The following SPATA13 variants were observed in gnomAD, a reference collection of about 807,000 sequenced individuals.
The protein encoded by SPATA13 is spermatogenesis associated 13, also known as spermatogenesis-associated protein 13.
Under a neutral mutation model 104.0 loss-of-function variants are expected in SPATA13, and 50 were observed. That is an observed-to-expected ratio of 0.48 (90% CI 0.38 to 0.61). The LOEUF is 0.61. SPATA13 is among the 20% of genes least tolerant of loss of function. SPATA13 has a pLI of 0.00. For missense variants in SPATA13, 1,524 were observed against 1,690.6 expected, an observed-to-expected ratio of 0.90 and a Z score of 1.73; for synonymous variants, 606 against 667.5, an observed-to-expected ratio of 0.91 and a Z score of 1.42.
intron 1 of SPATA13, among the ~76,000 whole-genome samples, chr13:24,171,807 A>G (rs1373565211): frequency 6.6e-6 from 1 of 152,262 alleles, no homozygotes; most frequent in African/African-American, 2.4e-5. Context: ...ACGTTGGGAA[A>G]GTCAACATCT....
intron 1 of SPATA13, among the ~76,000 whole-genome samples, chr13:24,166,891 C>G (rs1054422554): frequency 6.6e-6 from 1 of 152,252 alleles, no homozygotes; most frequent in Non-Finnish European, 1.5e-5. Flanking sequence ...GGACCCACTT[C>G]TTCACATCAT....
chr13:24,198,026 A>C (rs1218006145), intron 1 of SPATA13, among the ~76,000 whole-genome samples: 2 of 152,106 alleles, frequency 1.3e-5, no homozygotes, highest in African/African-American at 4.8e-5. Context: ...GATGGAGTCT[A>C]GTTCTGTCGC....
At chr13:24,160,404 C>A (rs996725458), upstream of SPATA13, among the ~76,000 whole-genome samples, 1 of 152,098 alleles carries the variant, frequency 6.6e-6, no homozygotes, top group African/African-American at 2.4e-5. Context: ...TGTCACCACG[C>A]CCGGTTAATT....
At chr13:24,273,526 T>A (rs999599313) in intron 4 of SPATA13, among the ~76,000 whole-genome samples, 1 of 152,210 alleles carries the variant, frequency 6.6e-6, no homozygotes, top group Non-Finnish European at 1.5e-5. Context: ...TTTCCAACAC[T>A]AACAGTTTAC....
chr13:24,086,200 C>G (rs1183985791), intron 3 of SPATA13, among the ~76,000 whole-genome samples: 3 of 152,168 alleles, frequency 2.0e-5, no homozygotes. Flanking sequence ...ACAGGCCCGG[C>G]TACGTTTGAA....
chr13:24,009,396 C>T (rs1338071528), intron 2 of SPATA13, among the ~76,000 whole-genome samples: 2 of 152,226 alleles, frequency 1.3e-5, no homozygotes, highest in Admixed American at 1.3e-4. Flanking sequence ...ATGAGTGACC[C>T]ATGAGCTATG....
chr13:24,249,394 G>A (rs1051284417), intron 2 of SPATA13, 83 bp from the exon 3 acceptor site: 1 of 1,429,510 alleles, frequency 7.0e-7, no homozygotes, highest in Non-Finnish European at 9.2e-7. Context: ...CACGGCTGTG[G>A]TGGTGAGAGG....
intron 3 of SPATA13, among the ~76,000 whole-genome samples, chr13:24,153,834 G>A (rs1040262542): frequency 6.6e-6 from 1 of 152,184 alleles, no homozygotes; most frequent in East Asian, 1.9e-4. Flanking sequence ...GTGGAGTTTG[G>A]AATTCATCCC....
At chr13:24,284,393 ATT>A in intron 5 of SPATA13, 122 bp downstream of exon 5, 1 of 1,114,692 alleles carries the variant, frequency 9.0e-7, no homozygotes, top group Non-Finnish European at 1.2e-6. Context: ...TGGAACTCTG[ATT>A]AAAACAACAC....
chr13:24,288,489 A>G (rs1467375070), intron 7 of SPATA13, among the ~76,000 whole-genome samples: 1 of 152,174 alleles, frequency 6.6e-6, no homozygotes, highest in Admixed American at 6.5e-5. Flanking sequence ...CACATAGATA[A>G]TTAGTGCAAG....
chr13:24,070,612 A>G (rs79911946), intron 3 of SPATA13, among the ~76,000 whole-genome samples: 1 of 152,204 alleles, frequency 6.6e-6, no homozygotes, highest in East Asian at 1.9e-4. Flanking sequence ...ATTTGGTTGA[A>G]CATTATTCTG....
chr13:24,108,520 A>T, intron 3 of SPATA13, among the ~76,000 whole-genome samples: 1 of 152,184 alleles, frequency 6.6e-6, no homozygotes, highest in South Asian at 2.1e-4. Flanking sequence ...TGCCTACTGA[A>T]GGAAACTGCT....
In SPATA13 at chr13:24,304,923, C is replaced by T. The variant is rs1045665066; in HGVS notation, c.*2150C>T. The T allele has an allele frequency of 2.0e-5, 3 of 152,170 alleles. No homozygotes were observed. The highest frequency in any genetic ancestry group is 4.4e-5 in the Non-Finnish European group (3 of 68,030). 9.4% of individuals were successfully genotyped at this position (152,170 alleles called of 1,614,324 possible). A position where few individuals can be genotyped will look rare whatever the true frequency, so the allele number is the denominator to read the frequency against. ...TTTATAGAACTGACCTTTTTACTAACAAAATACAATGATATATGTTGGAAA... is the reference window on the plus strand; with the variant it reads ...TTTATAGAACTGACCTTTTTACTAATAAAATACAATGATATATGTTGGAAA... On this transcript the variant is annotated 3_prime_UTR_variant, in exon 13 of 13. Transcript: ENST00000382108.
At chr13:24,053,193 A>G (rs1878423020) in intron 3 of SPATA13, among the ~76,000 whole-genome samples, 1 of 152,140 alleles carries the variant, frequency 6.6e-6, no homozygotes, top group South Asian at 2.1e-4. Context: ...CTTGCATTTT[A>G]TAATCGTGGA....
chr13:23,984,727 G>A (rs1300254054), intron 2 of SPATA13, among the ~76,000 whole-genome samples: 2 of 152,230 alleles, frequency 1.3e-5, no homozygotes, highest in African/African-American at 2.4e-5. Flanking sequence ...AGCTTTCCTT[G>A]ATCGGTGCTT....
At position 24,302,747 on chromosome 13, in the gene SPATA13, A is replaced by G. The variant is rs1220330423; in HGVS notation, c.3808A>G (p.Asn1270Asp). The G allele has an allele frequency of 6.2e-7, 1 of 1,614,166 alleles. No homozygotes were observed. The highest frequency in any genetic ancestry group is 1.7e-5 in the Admixed American group (1 of 60,026). ...GTCCTCGCTCTTCTGGCACACCTTC[A>G]ACAGGCTCACCCCCTTCCGGAAATG... is the stretch of plus-strand genomic sequence containing the variant. ...RKSSLFWHTF[N>D]RLTPFRK is the part of the protein sequence containing the mutation. The change falls in exon 13 of 13, where the codon AAC (asparagine) becomes GAC (aspartate). Residue 1270 changes from asparagine to aspartate, a missense_variant. Physicochemically the swap from Asn to Asp is conservative, Grantham distance 23. This residue lies in a region of SPATA13 where 435 missense variants were observed against 554.8 expected (regional missense o/e 0.78). Coordinates refer to ENST00000382108, the MANE Select transcript of SPATA13 (RefSeq NM_001166271.3).
chr13:24,164,063 A>G (rs1882620846), intron 1 of SPATA13, among the ~76,000 whole-genome samples: 1 of 152,260 alleles, frequency 6.6e-6, no homozygotes, highest in Non-Finnish European at 1.5e-5. Context: ...CTAAAACACC[A>G]GGAATGAACA....
chr13:24,099,222 G>A (rs1182265802), intron 3 of SPATA13, among the ~76,000 whole-genome samples: 1 of 152,176 alleles, frequency 6.6e-6, no homozygotes, highest in African/African-American at 2.4e-5. Flanking sequence ...ATCTCTACAG[G>A]TGATACCAAC....
chr13:24,172,552 C>G (rs2264962), intron 1 of SPATA13, among the ~76,000 whole-genome samples: 51,764 of 152,034 alleles, frequency 0.34, 8,995 homozygotes, highest in Middle Eastern at 0.46. Context: ...AGATTTAGGT[C>G]AGTGTTTTTT....
Sources: allele counts gnomAD v4.1 joint callset (sites outside exome capture counted in the v4.1 genomes callset), GRCh38; gene constraint gnomAD v4.1.1; regional missense constraint gnomAD v4.1.1; transcripts MANE v1.5; gene names NCBI Gene and HGNC (gene_info 2026-07-23, HGNC 2026-07-21).